The following ELOVL1 variants were observed in gnomAD, a reference collection of about 807,000 sequenced individuals.
ELOVL1 encodes the protein very long chain fatty acid elongase 1.
Under a neutral mutation model 37.8 loss-of-function variants are expected in ELOVL1, and 10 were observed. That is an observed-to-expected ratio of 0.26 (90% CI 0.16 to 0.45). The LOEUF is 0.45. ELOVL1 is among the 20% of genes least tolerant of loss of function. ELOVL1 has a pLI of 1.00. For missense variants in ELOVL1, 256 were observed against 352.7 expected, an observed-to-expected ratio of 0.73 and a Z score of 2.20; for synonymous variants, 133 against 123.8, an observed-to-expected ratio of 1.07 and a Z score of -0.49.
Position 43,365,592 on chromosome 1 carries a change from G to A in ELOVL1, c.18C>T (p.Asn6=). 6.2e-7 allele frequency: 1 copy of A among 1,614,128 alleles called. No homozygotes were observed. Among genetic ancestry groups the A allele is most frequent in the East Asian group, 2.2e-5 (1 of 44,886 alleles). ...CGTGCTTCATCACCTCTTGGTACAA[G>A]TTCACAACAGCCTCCATCCTGGCTA... MEAVV[N]LYQEVMKHAD... is the part of the protein sequence containing the mutation. Residue 6 remains asparagine, a synonymous_variant, in exon 2 of 8, where the codon AAC becomes AAT. Transcript: ENST00000372458.
At chr1:43,365,670 C>T in intron 1 of ELOVL1, 47 bp from the exon 2 acceptor site, 2 of 1,572,976 alleles carry the variant, frequency 1.3e-6, no homozygotes, top group Non-Finnish European at 1.8e-6. Flanking sequence ...CACTGCACAC[C>T]CCCATCCCAC....
At position 43,363,991 on chromosome 1, in the gene ELOVL1, A is replaced by G. The variant is rs1300417322; in HGVS notation, c.765T>C (p.Tyr255=). The change falls in exon 8 of 8, where the codon TAT becomes TAC. Residue 255 remains tyrosine, a synonymous_variant. Transcript: ENST00000372458. ...CACGGGGCAGCCGCTTGCCCTTGGT[A>G]TAAGAGTGATACCAGAAGTTGGAGA... The part of the protein sequence containing the change: ...MLFSNFWYHS[Y]TKGKRLPRAL... The G allele has an allele frequency of 3.7e-6, 6 of 1,614,074 alleles. No individual in the cohort carries two copies. The highest frequency in any genetic ancestry group is 3.3e-5 in the South Asian group (3 of 91,094).
rs201270403 is a variant in ELOVL1, at chr1:43,365,266, G to A, written c.157C>T (p.Arg53Trp). ...AAGCCACGGAGCTGGAAGGGCTTCC[G>A]ATTAGCCATGATGCGAGGCCCAAGT... Reference protein sequence around the residue: ...LSLGPRIMANRKPFQLRGFMI... With the variant: ...LSLGPRIMANWKPFQLRGFMI... Residue 53 changes from arginine (R) to tryptophan (W), a missense_variant, in exon 3 of 8, where the codon CGG becomes TGG. Physicochemically the swap from Arg to Trp is moderately radical, Grantham distance 101. This residue lies in a region of ELOVL1 where 158 missense variants were observed against 189.4 expected (regional missense o/e 0.83). Coordinates refer to ENST00000372458, the MANE Select transcript of ELOVL1 (RefSeq NM_022821.4). The A allele has an allele frequency of 2.7e-5, 44 of 1,614,146 alleles. No homozygotes were observed. Among genetic ancestry groups the A allele is most frequent in the Non-Finnish European group, 3.6e-5 (43 of 1,180,024 alleles).
Position 43,364,326 on chromosome 1 carries a change from G to T in ELOVL1, c.616C>A (p.Leu206Met). The T allele has an allele frequency of 6.2e-7, 1 of 1,614,116 alleles. No homozygotes were observed. The highest frequency in any genetic ancestry group is 8.5e-7 in the Non-Finnish European group (1 of 1,180,026). The change falls in exon 7 of 8, where the codon CTG becomes ATG. Residue 206 changes from leucine (L) to methionine (M), a missense_variant and splice_region_variant. Transcript: ENST00000372458. This position sits in a 1 kb window ranked among gnomAD's most constrained non-coding sequence, Gnocchi z 5.2. ...WWKKHMTAIQ[L>M]IQFVLVSLHI... The stretch of plus-strand genomic sequence containing the variant: ...GTAAGTCAGGCCAAGCCCCTCACCA[G>T]CTGAATGGCTGTCATGTGCTTTTTC...
chr1:43,365,522 C>G, intron 2 of ELOVL1, 42 bp downstream of exon 2: 1 of 1,613,946 alleles, frequency 6.2e-7, no homozygotes, highest in Non-Finnish European at 8.5e-7. Flanking sequence ...TCCAGGGATC[C>G]CGGGAAAGAA....
Position 43,365,019 on chromosome 1 carries a change from A to G in ELOVL1, c.238-11T>C. The G allele has an allele frequency of 6.2e-7, 1 of 1,611,922 alleles. No individual in the cohort carries two copies. Reference sequence around the variant, plus strand: ...GCCCGACATCAGGAACTGGGAAGGGATGTGGATTAGACCACCAGAGTTCTC... The same window carrying G: ...GCCCGACATCAGGAACTGGGAAGGGGTGTGGATTAGACCACCAGAGTTCTC... On this transcript the variant is annotated splice_polypyrimidine_tract_variant and intron_variant, in intron 3 of 7. Coordinates refer to ENST00000372458, the MANE Select transcript of ELOVL1 (RefSeq NM_022821.4).
intron 1 of ELOVL1, chr1:43,366,946 CAGGGCAGCAGG>C (rs1647257014): frequency 1.3e-5 from 2 of 152,322 alleles, no homozygotes; most frequent in African/African-American, 2.4e-5. Flanking sequence ...GAGCAGGGCC[CAGGGCAGCAGG>C]TGCCCCAGAC....
Position 43,365,328 on chromosome 1 carries a change from G to T in ELOVL1, c.95C>A (p.Thr32Asn), listed in dbSNP as rs780578381. 8 of 1,613,738 alleles carry T rather than the reference G, an allele frequency of 5.0e-6. No individual in the cohort carries two copies. The Admixed American group carries it at 1.3e-4, about 27-fold the overall frequency. The change falls in exon 3 of 8, where the codon ACC (threonine) becomes AAC (asparagine). Residue 32 changes from threonine (T) to asparagine (N), a missense_variant. By Grantham distance (65) the Thr-to-Asn change is moderately conservative (BLOSUM62 0). Transcript: ENST00000372458. ...GTACACGTAGGTCAGGAGAATGGAG[G>T]TCATTAGCAAGGGGGACCCCATCAG... ...YPLMGSPLLM[T>N]SILLTYVYFV...
Position 43,363,796 on chromosome 1 carries a change from C to CT in ELOVL1, c.*119dup. 1.1e-6 allele frequency: 1 copy of CT among 908,790 alleles called. No individual in the cohort carries two copies. The highest frequency in any genetic ancestry group is 1.6e-5 in the African/African-American group (1 of 61,070). The allele number at this position is 908,790 out of a possible 1,614,324, so 56.3% of individuals were successfully genotyped here. A position where few individuals can be genotyped will look rare whatever the true frequency, so the allele number is the denominator to read the frequency against. ...CTGTGGGGAGGGGAGGGCCAGTCCC[C>CT]TGCTCAGTCCTGACCACATAAGCCT... On this transcript the variant is annotated 3_prime_UTR_variant, in exon 8 of 8. Coordinates refer to ENST00000372458, the MANE Select transcript of ELOVL1 (RefSeq NM_022821.4).
At position 43,364,335 on chromosome 1, in the gene ELOVL1, C is replaced by T; in HGVS notation, c.607G>A (p.Ala203Thr). Residue 203 changes from alanine to threonine, a missense_variant, in exon 7 of 8, where the codon GCC becomes ACC. By Grantham distance (58) the Ala-to-Thr change is moderately conservative (BLOSUM62 0). Coordinates refer to ENST00000372458, the MANE Select transcript of ELOVL1 (RefSeq NM_022821.4). This position sits in a 1 kb window ranked among gnomAD's most constrained non-coding sequence, Gnocchi z 5.2. ...GCCAAGCCCCTCACCAGCTGAATGG[C>T]TGTCATGTGCTTTTTCCACCAAAGG... ...PYLWWKKHMT[A>T]IQLIQFVLVS... The T allele has an allele frequency of 6.2e-7, 1 of 1,614,142 alleles. No homozygotes were observed. Among genetic ancestry groups the T allele is most frequent in the Non-Finnish European group, 8.5e-7 (1 of 1,180,036 alleles).
chr1:43,363,786 G>C lies in ELOVL1; in HGVS notation c.*130C>G. On this transcript the variant is annotated 3_prime_UTR_variant, in exon 8 of 8. Transcript: ENST00000372458. Reference sequence around the variant, plus strand: ...TGTAGAGCAGCTGTGGGGAGGGGAGGGCCAGTCCCCTGCTCAGTCCTGACC... The same window carrying C: ...TGTAGAGCAGCTGTGGGGAGGGGAGCGCCAGTCCCCTGCTCAGTCCTGACC... 1 of 808,296 alleles carries C rather than the reference G, an allele frequency of 1.2e-6. No individual in the cohort carries two copies. The highest frequency in any genetic ancestry group is 1.7e-5 in the South Asian group (1 of 59,796). The allele number at this position is 808,296 out of a possible 1,614,324, so 50.1% of individuals were successfully genotyped here.
At position 43,363,859 on chromosome 1, in the gene ELOVL1, C is replaced by A. The variant is rs1647189470; in HGVS notation, c.*57G>T. The A allele has an allele frequency of 6.6e-7, 1 of 1,510,046 alleles. No individual in the cohort carries two copies. The highest frequency in any genetic ancestry group is 1.4e-5 in the African/African-American group (1 of 72,658). The allele number at this position is 1,510,046 out of a possible 1,614,324, so 93.5% of individuals were successfully genotyped here. Reference sequence around the variant, plus strand: ...TAGGTGGAGAGGGCACTGACGGACACTGCCCTAAGGTGCAGTCCTGAGGCA... The same window carrying A: ...TAGGTGGAGAGGGCACTGACGGACAATGCCCTAAGGTGCAGTCCTGAGGCA... On this transcript the variant is annotated 3_prime_UTR_variant, in exon 8 of 8. Coordinates refer to ENST00000372458, the MANE Select transcript of ELOVL1 (RefSeq NM_022821.4).
In ELOVL1 at chr1:43,365,734, G is replaced by C. The variant is rs1036870258; in HGVS notation, c.-14-111C>G. On this transcript the variant is annotated intron_variant, in intron 1 of 7. Coordinates refer to ENST00000372458, the MANE Select transcript of ELOVL1 (RefSeq NM_022821.4). ...ACCTGCAATGCCTCATTGCAGAAAGGACAGAACAGTGAAAGGAAGGAATTA... is the reference window on the plus strand; with the variant it reads ...ACCTGCAATGCCTCATTGCAGAAAGCACAGAACAGTGAAAGGAAGGAATTA... The C allele has an allele frequency of 7.0e-6, 8 of 1,146,120 alleles. No individual in the cohort carries two copies. The African/African-American group carries it at 1.1e-4, about 15-fold the overall frequency. 71.0% of individuals were successfully genotyped at this position (1,146,120 alleles called of 1,614,324 possible).
At chr1:43,367,037 C>G (rs964274462) in intron 1 of ELOVL1, 14 of 152,492 alleles carry the variant, frequency 9.2e-5, no homozygotes, top group Admixed American at 3.3e-4. Flanking sequence ...CTCCCTGCCC[C>G]GCACACCCCT....
In ELOVL1 at chr1:43,363,870, T is replaced by G. The variant is rs1256800537; in HGVS notation, c.*46A>C. On this transcript the variant is annotated 3_prime_UTR_variant, in exon 8 of 8. Coordinates refer to ENST00000372458, the MANE Select transcript of ELOVL1 (RefSeq NM_022821.4). ...GGCACTGACGGACACTGCCCTAAGGTGCAGTCCTGAGGCACTTAGGTGGGC... is the reference window on the plus strand; with the variant it reads ...GGCACTGACGGACACTGCCCTAAGGGGCAGTCCTGAGGCACTTAGGTGGGC... 6.4e-7 allele frequency: 1 copy of G among 1,551,536 alleles called. No homozygotes were observed. The highest frequency in any genetic ancestry group is 8.9e-7 in the Non-Finnish European group (1 of 1,125,712).
chr1:43,365,145 C>A lies in ELOVL1; in HGVS notation c.237+41G>T, dbSNP rs192557134. On this transcript the variant is annotated intron_variant, in intron 3 of 7. Coordinates refer to ENST00000372458, the MANE Select transcript of ELOVL1 (RefSeq NM_022821.4). ...TCTGGCTCTATGGCCTGCTCCTTAT[C>A]CTGCTGACAGAAATTAAAGCCCGGC... The A allele has an allele frequency of 2.1e-5, 34 of 1,609,626 alleles. No individual in the cohort carries two copies. The African/African-American group carries it at 4.4e-4, about 21-fold the overall frequency.
In ELOVL1 at chr1:43,364,522, T is replaced by C. The variant is rs762393194; in HGVS notation, c.481+20A>G. ...AGCCTCTGGTGCCCACCCTTTCCCA[T>C]AGTGGCCTTCACCACTCACCCGGGG... is the stretch of plus-strand genomic sequence containing the variant. On this transcript the variant is annotated intron_variant, in intron 6 of 7. Transcript: ENST00000372458. The surrounding 1 kb of genome is among the most constrained non-coding windows in gnomAD (Gnocchi z 5.2). 1.9e-5 allele frequency: 30 copies of C among 1,613,878 alleles called. No homozygotes were observed. The highest frequency in any genetic ancestry group is 4.4e-5 in the South Asian group (4 of 91,078).
chr1:43,366,830 C>A (rs868795253), intron 1 of ELOVL1, among the ~76,000 whole-genome samples: 2 of 152,158 alleles, frequency 1.3e-5, no homozygotes, highest in African/African-American at 2.4e-5. Context: ...CCCCTCAGGG[C>A]CTGAAGGAAT....
chr1:43,363,776 G>T lies in ELOVL1; in HGVS notation c.*140C>A. 2.7e-6 allele frequency: 2 copies of T among 736,052 alleles called. No individual in the cohort carries two copies. Among genetic ancestry groups the T allele is most frequent in the Non-Finnish European group, 4.5e-6 (2 of 443,640 alleles). 45.6% of individuals were successfully genotyped at this position (736,052 alleles called of 1,614,324 possible). On this transcript the variant is annotated 3_prime_UTR_variant, in exon 8 of 8. Transcript: ENST00000372458. Reference sequence around the variant, plus strand: ...CCGTGGTCCCTGTAGAGCAGCTGTGGGGAGGGGAGGGCCAGTCCCCTGCTC... The same window carrying T: ...CCGTGGTCCCTGTAGAGCAGCTGTGTGGAGGGGAGGGCCAGTCCCCTGCTC...
Sources: gnomAD v4.1 joint callset for allele counts (sites outside exome capture counted in the v4.1 genomes callset) on GRCh38, gnomAD v4.1.1 for gene constraint, gnomAD v4.1.1 regional missense constraint, Gnocchi (gnomAD v3.1) non-coding constraint, MANE v1.5 for transcripts, NCBI Gene and HGNC (gene_info 2026-07-23, HGNC 2026-07-21) for gene names.